LEP: variants seen among roughly 807,000 people sequenced by gnomAD.
The protein encoded by LEP is leptin, also known as leptin (murine obesity homolog).
Under a neutral mutation model 9.8 loss-of-function variants are expected in LEP, and 6 were observed. The observed-to-expected ratio is 0.61, with a 90% CI of 0.34 to 1.21. LEP has a LOEUF of 1.21. Among genes scored for constraint, LEP ranks in the 50% most tolerant of loss-of-function variants. LEP has a pLI of 0.04. For missense variants in LEP, 134 were observed against 198.1 expected (o/e 0.68, Z 1.94); for synonymous variants, 112 against 81.7 (o/e 1.37, Z -2.00).
chr7:128,246,002 C>T (rs1460165139), intron 1 of LEP, among the ~76,000 whole-genome samples: 6 of 151,282 alleles, frequency 4.0e-5, no homozygotes, highest in African/African-American at 4.9e-5. Context: ...ACCCGGGAGG[C>T]GGAGGTTGCA....
At chr7:128,243,696 G>C (rs1422625573) in intron 1 of LEP, among the ~76,000 whole-genome samples, 1 of 152,154 alleles carries the variant, frequency 6.6e-6, no homozygotes, top group African/African-American at 2.4e-5. Flanking sequence ...GTGAATTCTA[G>C]GATGCGACTT....
chr7:128,251,617 T>C (rs1015101938), intron 1 of LEP, among the ~76,000 whole-genome samples: 2 of 152,162 alleles, frequency 1.3e-5, no homozygotes, highest in Non-Finnish European at 2.9e-5. Context: ...ATGTGATATG[T>C]TTAAAATTAT....
In LEP at chr7:128,254,822, A is replaced by T; in HGVS notation, c.*59A>T. 1 of 1,572,864 alleles carries T rather than the reference A, an allele frequency of 6.4e-7. No individual in the cohort carries two copies. Among genetic ancestry groups the T allele is most frequent in the Non-Finnish European group, 8.6e-7 (1 of 1,158,870 alleles). ...GTTAAGGGAAGGAACTCTGGCTTCC[A>T]GGTATCTCCAGGATTGAAGAGCATT... On this transcript the variant is annotated 3_prime_UTR_variant, in exon 3 of 3. Transcript: ENST00000308868.
intron 1 of LEP, among the ~76,000 whole-genome samples, chr7:128,249,991 A>G (rs1795255714): frequency 6.6e-6 from 1 of 152,156 alleles, no homozygotes; most frequent in South Asian, 2.1e-4. Flanking sequence ...CCACTTAGGT[A>G]TTAGAGGGTG....
chr7:128,253,041 C>T (rs988600355), intron 2 of LEP, among the ~76,000 whole-genome samples: 1 of 152,126 alleles, frequency 6.6e-6, no homozygotes, highest in African/African-American at 2.4e-5. Flanking sequence ...CCTTCCTGTC[C>T]CCTCTGTCCC....
At chr7:128,244,728 A>G in intron 1 of LEP, among the ~76,000 whole-genome samples, 1 of 152,202 alleles carries the variant, frequency 6.6e-6, no homozygotes. Context: ...GCTAGGAAGG[A>G]GCACAGGCGG....
chr7:128,248,305 AC>A (rs1479351570), intron 1 of LEP, among the ~76,000 whole-genome samples: 1 of 152,070 alleles, frequency 6.6e-6, no homozygotes, highest in Non-Finnish European at 1.5e-5. Flanking sequence ...GGTGGCAGGC[AC>A]CTGTAATCCC....
chr7:128,253,850 G>C (rs1313962207), intron 2 of LEP, among the ~76,000 whole-genome samples: 1 of 152,238 alleles, frequency 6.6e-6, no homozygotes, highest in Non-Finnish European at 1.5e-5. Context: ...GGAGCCCCGG[G>C]TAGTAACCAC....
At position 128,257,484 on chromosome 7, in the gene LEP, G is replaced by T. The variant is rs867654826; in HGVS notation, c.*2721G>T. 6.7e-6 allele frequency: 1 copy of T among 149,438 alleles called. No homozygotes were observed. Among genetic ancestry groups the T allele is most frequent in the Admixed American group, 6.8e-5 (1 of 14,774 alleles). 9.3% of individuals were successfully genotyped at this position (149,438 alleles called of 1,614,324 possible). On this transcript the variant is annotated 3_prime_UTR_variant, in exon 3 of 3. Transcript: ENST00000308868. ...CTCGGGAGGCTGAGACAGGAGAATC[G>T]CTTAAACCTGGGAGGCGGAGAGTAC...
Position 128,255,600 on chromosome 7 carries a change from G to A in LEP, c.*837G>A, listed in dbSNP as rs1411945617. The A allele has an allele frequency of 2.0e-5, 3 of 152,330 alleles. No individual in the cohort carries two copies. Among genetic ancestry groups the A allele is most frequent in the Non-Finnish European group, 2.9e-5 (2 of 68,030 alleles). 9.4% of individuals were successfully genotyped at this position (152,330 alleles called of 1,614,324 possible). A position where few individuals can be genotyped will look rare whatever the true frequency, so the allele number is the denominator to read the frequency against. On this transcript the variant is annotated 3_prime_UTR_variant, in exon 3 of 3. Coordinates refer to ENST00000308868, the MANE Select transcript of LEP (RefSeq NM_000230.3). ...GTCATATGTAGGTGTCTGCACCCAG[G>A]GGTGGGGAATGTTTGGGCAGAAGGG...
chr7:128,253,756 G>A (rs1795302277), intron 2 of LEP, among the ~76,000 whole-genome samples: 2 of 152,218 alleles, frequency 1.3e-5, no homozygotes, highest in South Asian at 2.1e-4. Flanking sequence ...AAAAAAATTA[G>A]CTGGGCATAT....
rs28954098 is a variant in LEP at position 128,250,560 on chromosome 7, C to G, written c.-28-1431C>G. 1.3e-3 allele frequency among the ~76,000 whole-genome samples: 198 copies of G among 152,166 alleles called. 8 individuals carry two copies. The South Asian group carries it at 0.04, about 31-fold the overall frequency. ...ACCTGTTTGACTTTGGGCAAGTTGA[C>G]TCCTATTCCTGAGCCCCATATTTTT... On this transcript the variant is annotated intron_variant, in intron 1 of 2. Coordinates refer to ENST00000308868, the MANE Select transcript of LEP (RefSeq NM_000230.3).
chr7:128,251,051 C>A (rs1169288345), intron 1 of LEP, among the ~76,000 whole-genome samples: 1 of 152,180 alleles, frequency 6.6e-6, no homozygotes, highest in African/African-American at 2.4e-5. Context: ...TGTCTTTATA[C>A]CCCCTGATTT....
At chr7:128,249,378 T>C (rs775741612) in intron 1 of LEP, among the ~76,000 whole-genome samples, 2 of 152,196 alleles carry the variant, frequency 1.3e-5, no homozygotes, top group Middle Eastern at 3.2e-3. Flanking sequence ...TAAGGTGAGG[T>C]CTTTGTCCTC....
intron 2 of LEP, among the ~76,000 whole-genome samples, chr7:128,253,062 G>A (rs761653448): frequency 2.6e-5 from 4 of 152,020 alleles, no homozygotes; most frequent in Non-Finnish European, 5.9e-5. Context: ...CACCTTCTGC[G>A]CTCGCCTTCC....
intron 1 of LEP, among the ~76,000 whole-genome samples, chr7:128,245,149 C>T (rs1795196858): frequency 1.3e-5 from 2 of 152,208 alleles, no homozygotes; most frequent in South Asian, 4.1e-4. Flanking sequence ...AGCTCTCCAG[C>T]CTCACACACT....
intron 1 of LEP, among the ~76,000 whole-genome samples, chr7:128,250,630 C>T (rs1313047882): frequency 3.3e-5 from 5 of 152,130 alleles, no homozygotes; most frequent in African/African-American, 1.2e-4. Flanking sequence ...TTTGATCAAA[C>T]ATTATAAATA....
At chr7:128,246,031 A>C (rs1185501695) in intron 1 of LEP, among the ~76,000 whole-genome samples, 1 of 152,014 alleles carries the variant, frequency 6.6e-6, no homozygotes, top group East Asian at 1.9e-4. Context: ...AGGTCACGCC[A>C]CTGCACTCTA....
At chr7:128,246,671 C>T (rs1423632578) in intron 1 of LEP, among the ~76,000 whole-genome samples, 2 of 151,910 alleles carry the variant, frequency 1.3e-5, no homozygotes, top group Non-Finnish European at 2.9e-5. Flanking sequence ...CTGTGTCGCC[C>T]AGGCTGGTCT....
Sources: allele counts gnomAD v4.1 joint callset (sites outside exome capture counted in the v4.1 genomes callset), GRCh38; gene constraint gnomAD v4.1.1; transcripts MANE v1.5; gene names NCBI Gene and HGNC (gene_info 2026-07-23, HGNC 2026-07-21).